The following COX7C variants were observed in gnomAD, a reference collection of about 807,000 sequenced individuals.
COX7C encodes cytochrome c oxidase subunit 7C, mitochondrial.
A neutral mutation model predicts 6.4 loss-of-function variants in COX7C; 1 was observed. The observed-to-expected ratio is 0.16, with a 90% CI of 0.06 to 0.74. COX7C has a LOEUF of 0.74. Ranked by LOEUF, COX7C falls within the 30% of genes least tolerant of loss-of-function variation. COX7C has a pLI of 0.78. For synonymous variants in COX7C, 24 were observed against 28.9 expected (o/e 0.83, Z 0.54); for missense variants, 54 against 73.7 (o/e 0.73, Z 0.98).
rs1299733537 is a variant in COX7C, at chr5:86,619,630, G to C, written c.*27+134G>C. 4.9e-6 allele frequency: 3 copies of C among 611,182 alleles called. No individual in the cohort carries two copies. In the African/African-American group the frequency reaches 5.5e-5, roughly 11 times the overall value. The allele number at this position is 611,182 out of a possible 1,614,324, so 37.9% of individuals were successfully genotyped here. On this transcript the variant is annotated intron_variant, in intron 2 of 2. Transcript: ENST00000247655. ...TGAGGTTATGTGTAGATGTGGCATT[G>C]GTGGAGACTAGTTGTAAACCTATAT...
intron 1 of COX7C, among the ~76,000 whole-genome samples, chr5:86,618,910 A>G (rs1368363744): frequency 7.0e-6 from 1 of 142,596 alleles, no homozygotes; most frequent in Non-Finnish European, 1.5e-5. Flanking sequence ...TGAACCCGGG[A>G]GGTGGAGGTT....
intron 1 of COX7C, among the ~76,000 whole-genome samples, chr5:86,618,738 G>A (rs1029419980): frequency 1.3e-5 from 2 of 152,046 alleles, no homozygotes; most frequent in African/African-American, 4.8e-5. Context: ...CCTGTAATCG[G>A]GAGGCTAAGG....
At chr5:86,619,517 CA>C (rs1750074633) in intron 2 of COX7C, 21 bp downstream of exon 2, 2 of 1,228,052 alleles carry the variant, frequency 1.6e-6, no homozygotes, top group Admixed American at 3.4e-5. Context: ...GATTTCTAAT[CA>C]TGTTAAAGCA....
intron 1 of COX7C, chr5:86,618,355 T>G: frequency 2.0e-6 from 1 of 508,930 alleles, no homozygotes; most frequent in Non-Finnish European, 3.6e-6. Flanking sequence ...CCTGCCTCCA[T>G]CAGCCACCTG....
intron 2 of COX7C, chr5:86,620,448 A>T (rs1266484454): frequency 4.1e-6 from 1 of 243,944 alleles, no homozygotes; most frequent in Admixed American, 4.3e-5. Flanking sequence ...GATTGGAAAG[A>T]GTGTCATAGT....
chr5:86,618,369 C>T lies in COX7C; in HGVS notation c.75+239C>T. The T allele has an allele frequency of 6.0e-6, 3 of 496,584 alleles. No individual in the cohort carries two copies. The South Asian group carries it at 6.7e-5, about 11-fold the overall frequency. The allele number at this position is 496,584 out of a possible 1,614,324, so 30.8% of individuals were successfully genotyped here. On this transcript the variant is annotated intron_variant, in intron 1 of 2. Transcript: ENST00000247655. The stretch of plus-strand genomic sequence containing the variant: ...CCCTGCCTCCATCAGCCACCTGACG[C>T]CCCCTCCCCCGCCCCGCAGAAAGCC...
intron 1 of COX7C, among the ~76,000 whole-genome samples, chr5:86,618,547 A>G (rs1224852014): frequency 6.6e-6 from 1 of 152,200 alleles, no homozygotes; most frequent in African/African-American, 2.4e-5. Context: ...CCTAAGTTAG[A>G]AGTACTAACC....
rs1750036321 is a variant in COX7C at position 86,618,130 on chromosome 5, G to A, written c.75G>A (p.Lys25=). 1 of 1,614,132 alleles carries A rather than the reference G, an allele frequency of 6.2e-7. No homozygotes were observed. The part of the protein sequence containing the change: ...RRSHYEEGPG[K]NLPFSVENKW... ...GCCACTATGAGGAGGGCCCTGGGAA[G>A]GTTAGTGTGTAAGGGGCACGGCTTC... Residue 25 remains lysine (K), a splice_region_variant and synonymous_variant, in exon 1 of 3, where the codon AAG becomes AAA. Coordinates refer to ENST00000247655, the MANE Select transcript of COX7C (RefSeq NM_001867.3).
intron 2 of COX7C, 120 bp from the exon 3 acceptor site, chr5:86,620,548 C>T (rs1750099544): frequency 6.0e-6 from 2 of 331,652 alleles, no homozygotes; most frequent in Admixed American, 3.1e-5. Context: ...ATTCATGATA[C>T]TGTAAACGCT....
chr5:86,619,420 C>T lies in COX7C; in HGVS notation c.143C>T (p.Ala48Val). The change falls in exon 2 of 3, where the codon GCA becomes GTA. Residue 48 changes from alanine (A) to valine (V), a missense_variant. Ala to Val is a moderately conservative substitution (Grantham distance 64). Coordinates refer to ENST00000247655, the MANE Select transcript of COX7C (RefSeq NM_001867.3). ...LAKMCLYFGS[A>V]FATPFLVVRH... ...AAGATGTGTTTGTACTTTGGATCTG[C>T]ATTTGCTACACCCTTCCTTGTAGTA... 6.2e-7 allele frequency: 1 copy of T among 1,613,806 alleles called. No homozygotes were observed.
At position 86,618,004 on chromosome 5, in the gene COX7C, C is replaced by A; in HGVS notation, c.-52C>A. 1 of 1,571,806 alleles carries A rather than the reference C, an allele frequency of 6.4e-7. No individual in the cohort carries two copies. The highest frequency in any genetic ancestry group is 8.7e-7 in the Non-Finnish European group (1 of 1,143,648). Reference sequence around the variant, plus strand: ...AAAAAAGGTCTTGGTGAGGTGCCGCCATTTCATCTGTCCTCATTCTCTGCG... The same window carrying A: ...AAAAAAGGTCTTGGTGAGGTGCCGCAATTTCATCTGTCCTCATTCTCTGCG... On this transcript the variant is annotated 5_prime_UTR_variant, in exon 1 of 3. Transcript: ENST00000247655.
Position 86,617,960 on chromosome 5 carries a change from C to T in COX7C, c.-96C>T, listed in dbSNP as rs556829119. On this transcript the variant is annotated 5_prime_UTR_variant, in exon 1 of 3. Transcript: ENST00000247655. The stretch of plus-strand genomic sequence containing the variant: ...ATCTTTCTTTTCAGTCCTTGCGCAC[C>T]GGGGAACAAGGTCGTGAAAAAAAAG... The T allele has an allele frequency of 7.0e-6, 8 of 1,149,770 alleles. No homozygotes were observed. The highest frequency in any genetic ancestry group is 2.4e-5 in the East Asian group (1 of 41,610). The allele number at this position is 1,149,770 out of a possible 1,614,324, so 71.2% of individuals were successfully genotyped here. A position where few individuals can be genotyped will look rare whatever the true frequency, so the allele number is the denominator to read the frequency against.
At chr5:86,619,204 TA>T in intron 1 of COX7C, 148 bp from the exon 2 acceptor site, 2 of 610,404 alleles carry the variant, frequency 3.3e-6, no homozygotes, top group Non-Finnish European at 5.9e-6. Context: ...ATTTGAAAGA[TA>T]AATGTTTAAA....
chr5:86,620,503 G>A (rs767421652), intron 2 of COX7C, 165 bp from the exon 3 acceptor site: 18 of 262,472 alleles, frequency 6.9e-5, no homozygotes, highest in Non-Finnish European at 1.3e-4. Context: ...CGGAAAGGTT[G>A]CGGTGCATGT....
At chr5:86,619,169 A>G (rs1426023242) in intron 1 of COX7C, among the ~76,000 whole-genome samples, 184 bp from the exon 2 acceptor site, 1 of 152,134 alleles carries the variant, frequency 6.6e-6, no homozygotes, top group South Asian at 2.1e-4. Flanking sequence ...CTTGCCATGT[A>G]GTGTTTTGTG....
chr5:86,618,080 T>C lies in COX7C; in HGVS notation c.25T>C (p.Phe9Leu). ...TATGTTGGGCCAGAGCATCCGGAGG[T>C]TCACAACCTCTGTGGTCCGTAGGAG... MLGQSIRR[F>L]TTSVVRRSHY... Residue 9 changes from phenylalanine to leucine, a missense_variant, in exon 1 of 3, where the codon TTC (phenylalanine) becomes CTC (leucine). Phe to Leu is a conservative substitution (Grantham distance 22). Coordinates refer to ENST00000247655, the MANE Select transcript of COX7C (RefSeq NM_001867.3). 2 of 1,614,028 alleles carry C rather than the reference T, an allele frequency of 1.2e-6. No individual in the cohort carries two copies. Among genetic ancestry groups the C allele is most frequent in the Non-Finnish European group, 8.5e-7 (1 of 1,180,010 alleles).
At position 86,617,976 on chromosome 5, in the gene COX7C, GA is replaced by G. The variant is rs1422037371; in HGVS notation, c.-72del. On this transcript the variant is annotated 5_prime_UTR_variant, in exon 1 of 3. Transcript: ENST00000247655. ...CTTGCGCACCGGGGAACAAGGTCGT[GA>G]AAAAAAAGGTCTTGGTGAGGTGCCG... The G allele has an allele frequency of 1.2e-4, 163 of 1,372,100 alleles. No individual in the cohort carries two copies. The highest frequency in any genetic ancestry group is 2.5e-4 in the Middle Eastern group (1 of 3,992). The allele number at this position is 1,372,100 out of a possible 1,614,324, so 85.0% of individuals were successfully genotyped here.
chr5:86,619,918 CA>C, intron 2 of COX7C: 1 of 157,838 alleles, frequency 6.3e-6, no homozygotes, highest in Non-Finnish European at 1.4e-5. Context: ...CTATCTTGAA[CA>C]CTGTTACTAG....
chr5:86,620,256 A>G (rs1750093339), intron 2 of COX7C: 1 of 152,542 alleles, frequency 6.6e-6, no homozygotes, highest in South Asian at 2.1e-4. Context: ...TGATCGTTCC[A>G]ACTTGGGGGC....
Sources: allele counts gnomAD v4.1 joint callset (sites outside exome capture counted in the v4.1 genomes callset), GRCh38; gene constraint gnomAD v4.1.1; transcripts MANE v1.5; gene names NCBI Gene and HGNC (gene_info 2026-07-23, HGNC 2026-07-21).